The following SETD5 variants were observed in gnomAD, a reference collection of about 807,000 sequenced individuals.
SETD5 encodes the protein histone-lysine N-methyltransferase SETD5.
SETD5 carries 44 observed loss-of-function variants against 153.3 expected under a neutral mutation model. That is an observed-to-expected ratio of 0.29 (90% CI 0.23 to 0.37). The LOEUF is 0.37. SETD5 is among the 10% of genes least tolerant of loss of function. The pLI is 1.00. For synonymous variants in SETD5, 716 were observed against 645.2 expected, an observed-to-expected ratio of 1.11 and a Z score of -1.66; for missense variants, 1,544 against 1,768.0, an observed-to-expected ratio of 0.87 and a Z score of 2.27.
chr3:9,417,243 C>G (rs1365746897), intron 1 of SETD5, among the ~76,000 whole-genome samples: 4 of 152,108 alleles, frequency 2.6e-5, no homozygotes, highest in African/African-American at 9.7e-5. Context: ...ACCTTGAAAT[C>G]ATAGGGAGGC....
At chr3:9,444,226 A>G (rs941100482) in intron 11 of SETD5, among the ~76,000 whole-genome samples, 8 of 152,198 alleles carry the variant, frequency 5.3e-5, no homozygotes, top group Admixed American at 3.9e-4. Flanking sequence ...TCATAGATGA[A>G]TATGTGGGAT....
At chr3:9,449,304 C>T (rs190527554) in intron 16 of SETD5, among the ~76,000 whole-genome samples, 75 of 152,162 alleles carry the variant, frequency 4.9e-4, no homozygotes, top group Admixed American at 1.4e-3. Context: ...TTGGAATGCT[C>T]TTTCTTAATT....
intron 13 of SETD5, among the ~76,000 whole-genome samples, chr3:9,445,969 T>TG (rs1447961314): frequency 6.9e-6 from 1 of 145,440 alleles, no homozygotes; most frequent in Non-Finnish European, 1.5e-5. Flanking sequence ...GAGGTTGTTT[T>TG]TTTTTTTTTT....
rs1415984860 is a variant in SETD5 at position 9,413,957 on chromosome 3, T to C, written c.-176-10510T>C. Among the ~76,000 whole-genome samples the C allele has an allele frequency of 2.0e-5, 3 of 152,140 alleles. No individual in the cohort carries two copies. The East Asian group carries it at 5.8e-4, about 29-fold the overall frequency. On this transcript the variant is annotated intron_variant, in intron 1 of 22. Transcript: ENST00000402198. ...CACGCCCAGCTAATTTTTGTATTTTTAGTAGAGATGGGGTTTCACCATTTT... is the reference window on the plus strand; with the variant it reads ...CACGCCCAGCTAATTTTTGTATTTTCAGTAGAGATGGGGTTTCACCATTTT...
At chr3:9,475,307 A>G in intron 22 of SETD5, 151 bp downstream of exon 22, 1 of 1,148,004 alleles carries the variant, frequency 8.7e-7, no homozygotes, top group Non-Finnish European at 1.2e-6. Context: ...CAGGTAATAA[A>G]TTATGCCAGA....
chr3:9,417,731 C>T (rs573379771), intron 1 of SETD5, among the ~76,000 whole-genome samples: 101 of 151,670 alleles, frequency 6.7e-4, no homozygotes, highest in African/African-American at 2.3e-3. Context: ...GTGATCCGCC[C>T]GCCTCGGCCT....
chr3:9,450,616 CTAA>C (rs966962590), intron 16 of SETD5, among the ~76,000 whole-genome samples: 4 of 152,108 alleles, frequency 2.6e-5, no homozygotes, highest in African/African-American at 9.7e-5. Flanking sequence ...AAGGACTTAC[CTAA>C]TGCAGAACCT....
intron 17 of SETD5, among the ~76,000 whole-genome samples, chr3:9,461,196 T>A (rs1318738841): frequency 6.6e-6 from 1 of 152,192 alleles, no homozygotes; most frequent in East Asian, 1.9e-4. Flanking sequence ...CATATATAGA[T>A]ATTCTTTTGA....
rs1227031737 is a variant in SETD5, at chr3:9,475,728, C to T, written c.3966C>T (p.Ser1322=). The T allele has an allele frequency of 1.2e-6, 2 of 1,613,826 alleles. No homozygotes were observed. Among genetic ancestry groups the T allele is most frequent in the South Asian group, 1.1e-5 (1 of 91,078 alleles). ...TTACGGGGACACCAGGGTATTTTAG[C>T]AGCCAGCCACATTCTGGAAACAGCA... ...APFTGTPGYF[S]SQPHSGNSTG... is the part of the protein sequence containing the mutation. The change falls in exon 23 of 23, where the codon AGC becomes AGT. Residue 1322 remains serine, a synonymous_variant. Transcript: ENST00000402198.
At chr3:9,464,294 G>A (rs1395846183) in intron 17 of SETD5, 131 bp from the exon 18 acceptor site, 3 of 1,255,426 alleles carry the variant, frequency 2.4e-6, no homozygotes, top group Non-Finnish European at 3.3e-6. Context: ...GGTTGGATTG[G>A]AGGAGATAAC....
At position 9,399,953 on chromosome 3, in the gene SETD5, G is replaced by T. The variant is rs573803249; in HGVS notation, c.-177+1976G>T. Among the ~76,000 whole-genome samples the T allele has an allele frequency of 5.9e-5, 9 of 152,304 alleles. No homozygotes were observed. The South Asian group carries it at 1.7e-3, about 28-fold the overall frequency. ...AGCTGCTGGCTCTGGAGCTCTGGTT[G>T]CTACGTGAGAAGCTTGAGTAGTGCT... On this transcript the variant is annotated intron_variant, in intron 1 of 22. Transcript: ENST00000402198.
intron 18 of SETD5, among the ~76,000 whole-genome samples, chr3:9,466,844 G>A (rs1021092020): frequency 2.6e-5 from 4 of 152,176 alleles, no homozygotes; most frequent in Admixed American, 6.5e-5. Context: ...GGGTAACATC[G>A]TGAGACCACA....
rs781159754 is a variant in SETD5 at position 9,440,592 on chromosome 3, A to G, written c.704A>G (p.Gln235Arg). The G allele has an allele frequency of 5.0e-6, 8 of 1,613,882 alleles. No individual in the cohort carries two copies. In the South Asian group the frequency reaches 8.8e-5, roughly 18 times the overall value. ...YSADVQNALEQHLHSSKEFVG... is the reference protein window; with the variant it reads ...YSADVQNALERHLHSSKEFVG... ...GCAGATGTACAGAACGCGCTTGAACAACACCTACATTCTAGCAAGGAATTT... is the reference window on the plus strand; with the variant it reads ...GCAGATGTACAGAACGCGCTTGAACGACACCTACATTCTAGCAAGGAATTT... Residue 235 changes from glutamine to arginine, a missense_variant, in exon 8 of 23, where the codon CAA (glutamine) becomes CGA (arginine). This residue lies in a region of SETD5 where 251 missense variants were observed against 326.9 expected (regional missense o/e 0.77). Coordinates refer to ENST00000402198, the MANE Select transcript of SETD5 (RefSeq NM_001080517.3).
At position 9,477,679 on chromosome 3, in the gene SETD5, ATTTTTTTTTTT is replaced by A. The variant is rs58994037; in HGVS notation, c.*1600_*1610del. ...CAGGTGTTTGCTCAAATGAGGGGAG[ATTTTTTTTTTT>A]TTTTTTTTTTTAAATGCTGAGACCT... On this transcript the variant is annotated 3_prime_UTR_variant, in exon 23 of 23. Transcript: ENST00000402198. 2 of 125,838 alleles carry A rather than the reference ATTTTTTTTTTT, an allele frequency of 1.6e-5. No homozygotes were observed. Among genetic ancestry groups the A allele is most frequent in the African/African-American group, 5.8e-5 (2 of 34,350 alleles). 7.8% of individuals were successfully genotyped at this position (125,838 alleles called of 1,614,324 possible).
In SETD5 at chr3:9,470,535, C is replaced by A; in HGVS notation, c.2801C>A (p.Pro934His). The change falls in exon 19 of 23, where the codon CCT becomes CAT. Residue 934 changes from proline to histidine, a missense_variant. Pro to His is a moderately conservative substitution (Grantham distance 77). Coordinates refer to ENST00000402198, the MANE Select transcript of SETD5 (RefSeq NM_001080517.3). ...DSNTNSCADR[P>H]SLLNSGHSDL... The stretch of plus-strand genomic sequence containing the variant: ...AACACTAACAGCTGTGCTGATAGAC[C>A]TTCCCTACTCAACTCAGGTCATTCT... 6.2e-7 allele frequency: 1 copy of A among 1,613,932 alleles called. No homozygotes were observed. The highest frequency in any genetic ancestry group is 8.5e-7 in the Non-Finnish European group (1 of 1,179,884).
At chr3:9,462,280 T>C (rs2044046980) in intron 17 of SETD5, among the ~76,000 whole-genome samples, 1 of 152,150 alleles carries the variant, frequency 6.6e-6, no homozygotes, top group Non-Finnish European at 1.5e-5. Context: ...TACTTTAACC[T>C]ATTGATTAAG....
At chr3:9,466,287 C>CAAAAAAAAA (rs146498301) in intron 18 of SETD5, among the ~76,000 whole-genome samples, 3 of 63,240 alleles carry the variant, frequency 4.7e-5, no homozygotes, top group Non-Finnish European at 1.0e-4. Context: ...GACTCCGTCT[C>CAAAAAAAAA]AAAAAAAAAA....
intron 1 of SETD5, among the ~76,000 whole-genome samples, chr3:9,402,255 C>G (rs1025759033): frequency 6.6e-6 from 1 of 152,100 alleles, no homozygotes; most frequent in African/African-American, 2.4e-5. Flanking sequence ...TTCCCCTACC[C>G]TGGGACAAAA....
At chr3:9,441,398 A>G (rs1031151395) in intron 8 of SETD5, among the ~76,000 whole-genome samples, 195 bp from the exon 9 acceptor site, 6 of 149,174 alleles carry the variant, frequency 4.0e-5, no homozygotes, top group African/African-American at 7.4e-5. Context: ...TGGGGAGGCA[A>G]TTTCACTAGA....
Sources: allele counts gnomAD v4.1 joint callset (sites outside exome capture counted in the v4.1 genomes callset), GRCh38; gene constraint gnomAD v4.1.1; regional missense constraint gnomAD v4.1.1; transcripts MANE v1.5; gene names NCBI Gene and HGNC (gene_info 2026-07-23, HGNC 2026-07-21).